The following C8orf34 variants were observed in gnomAD, a reference collection of about 807,000 sequenced individuals.
C8orf34 encodes uncharacterized protein C8orf34.
Under a neutral mutation model 68.3 loss-of-function variants are expected in C8orf34, and 65 were observed. The ratio of observed to expected loss-of-function variants is 0.95; its 90% CI spans 0.78 to 1.17. The LOEUF (loss-of-function observed/expected upper bound fraction) is 1.17, where lower values mean the gene tolerates loss of function less well. C8orf34 is among the 50% of genes most tolerant of loss of function. The pLI, the probability that C8orf34 is intolerant of heterozygous loss-of-function variation, is 0.00. For missense variants in C8orf34, 664 were observed against 655.4 expected (o/e 1.01, Z -0.14); for synonymous variants, 244 against 241.2 (o/e 1.01, Z -0.11).
intron 12 of C8orf34, among the ~76,000 whole-genome samples, chr8:68,805,655 A>T (rs75825758): frequency 0.088 from 13,420 of 152,186 alleles, 917 homozygotes; most frequent in East Asian, 0.36. Context: ...CCAGCTTTTT[A>T]AAAATTGGTT....
intron 7 of C8orf34, among the ~76,000 whole-genome samples, chr8:68,600,717 T>C (rs1269447823): frequency 6.6e-6 from 1 of 152,186 alleles, no homozygotes; most frequent in Non-Finnish European, 1.5e-5. Context: ...AGCCACAATA[T>C]TTGGGGTATT....
rs1336738901 is a variant in C8orf34, at chr8:68,517,088, T to C, written c.766-4711T>C. ...TTTATCTCTGAAATTTTAAATGTTT[T>C]TTTACCCATGTATTTAAAATATTTT... On this transcript the variant is annotated intron_variant, in intron 5 of 13. Transcript: ENST00000518698. Among the ~76,000 whole-genome samples the C allele has an allele frequency of 2.6e-5, 4 of 152,322 alleles. No individual in the cohort carries two copies. In the East Asian group the frequency reaches 7.7e-4, roughly 29 times the overall value.
intron 10 of C8orf34, among the ~76,000 whole-genome samples, chr8:68,769,626 C>A (rs899869298): frequency 2.6e-5 from 4 of 152,128 alleles, no homozygotes; most frequent in African/African-American, 9.7e-5. Context: ...TATCTATTCA[C>A]CAGTTTTAAA....
intron 1 of C8orf34, among the ~76,000 whole-genome samples, chr8:68,419,096 A>T (rs962733565): frequency 1.3e-5 from 2 of 152,040 alleles, no homozygotes; most frequent in African/African-American, 4.8e-5. Flanking sequence ...ACAAAGGGCT[A>T]ATATCCAGAA....
intron 1 of C8orf34, among the ~76,000 whole-genome samples, chr8:68,333,916 T>C (rs767860261): frequency 6.6e-6 from 1 of 152,230 alleles, no homozygotes; most frequent in Non-Finnish European, 1.5e-5. Context: ...TCTGATAATA[T>C]GTCCCCCTTG....
intron 7 of C8orf34, among the ~76,000 whole-genome samples, chr8:68,630,582 G>C (rs182497736): frequency 1.3e-4 from 19 of 151,970 alleles, no homozygotes; most frequent in African/African-American, 4.3e-4. Flanking sequence ...AATAAGAAAT[G>C]CACTTATAGG....
chr8:68,585,120 C>A (rs569639062), intron 7 of C8orf34, among the ~76,000 whole-genome samples: 1 of 152,258 alleles, frequency 6.6e-6, no homozygotes, highest in South Asian at 2.1e-4. Context: ...ATGCTCAGCA[C>A]TGGGCAGTCT....
At chr8:68,466,800 C>T (rs545613032) in intron 3 of C8orf34, among the ~76,000 whole-genome samples, 68 of 143,226 alleles carry the variant, frequency 4.7e-4, no homozygotes, top group African/African-American at 1.8e-3. Context: ...CTTTACCAGA[C>T]ATAAGATTGC....
intron 10 of C8orf34, among the ~76,000 whole-genome samples, chr8:68,774,748 TA>T (rs200038765): frequency 2.1e-4 from 31 of 149,822 alleles, no homozygotes; most frequent in Middle Eastern, 3.5e-3. Flanking sequence ...CAATTTTTTT[TA>T]AAAAAAACTA....
Position 68,667,983 on chromosome 8 carries a change from C to T in C8orf34, c.1241+27472C>T, listed in dbSNP as rs555480349. 8.5e-5 allele frequency among the ~76,000 whole-genome samples: 13 copies of T among 152,170 alleles called. No individual in the cohort carries two copies. The South Asian group carries it at 2.7e-3, about 32-fold the overall frequency. On this transcript the variant is annotated intron_variant, in intron 8 of 13. Transcript: ENST00000518698. ...GAGAAAATAAAATTCTGCCATGAAA[C>T]ATCCAACAATGCAAAGCAGAAAATC...
chr8:68,812,039 A>G (rs1397030189), intron 12 of C8orf34, among the ~76,000 whole-genome samples: 1 of 152,206 alleles, frequency 6.6e-6, no homozygotes, highest in Non-Finnish European at 1.5e-5. Context: ...AAGAGTTTTA[A>G]CATAAAGAAA....
chr8:68,523,761 G>A (rs13271303), intron 6 of C8orf34, among the ~76,000 whole-genome samples: 76,228 of 151,902 alleles, frequency 0.5, 19,166 homozygotes, highest in Non-Finnish European at 0.52. Flanking sequence ...CAAGCAGAAA[G>A]GGTTGGAGAA....
intron 10 of C8orf34, among the ~76,000 whole-genome samples, chr8:68,739,934 C>T (rs1460272875): frequency 1.3e-5 from 2 of 151,948 alleles, no homozygotes; most frequent in African/African-American, 4.8e-5. Context: ...GAATAGAGAG[C>T]CCAGAAATAA....
chr8:68,493,186 T>A (rs1248249439), intron 5 of C8orf34, among the ~76,000 whole-genome samples: 2 of 152,168 alleles, frequency 1.3e-5, no homozygotes, highest in African/African-American at 4.8e-5. Flanking sequence ...AAAATATCAT[T>A]ACACTTCCGT....
intron 5 of C8orf34, among the ~76,000 whole-genome samples, chr8:68,518,147 A>T (rs1334936943): frequency 1.3e-5 from 2 of 152,116 alleles, no homozygotes; most frequent in Non-Finnish European, 2.9e-5. Flanking sequence ...CACCCAATAT[A>T]CCCATGAAAC....
At chr8:68,722,273 C>G (rs999051246) in intron 10 of C8orf34, among the ~76,000 whole-genome samples, 1 of 152,010 alleles carries the variant, frequency 6.6e-6, no homozygotes, top group African/African-American at 2.4e-5. Flanking sequence ...TGATACATCA[C>G]AAATGTCACC....
intron 1 of C8orf34, among the ~76,000 whole-genome samples, chr8:68,403,104 T>G (rs1809030135): frequency 6.6e-6 from 1 of 152,196 alleles, no homozygotes; most frequent in Admixed American, 6.5e-5. Context: ...CAACTTGACC[T>G]AGAACAGACA....
intron 7 of C8orf34, among the ~76,000 whole-genome samples, chr8:68,545,010 G>A (rs956116600): frequency 6.6e-6 from 1 of 152,050 alleles, no homozygotes; most frequent in Non-Finnish European, 1.5e-5. Flanking sequence ...ATTTGGTTAC[G>A]AGCATGAATC....
intron 3 of C8orf34, among the ~76,000 whole-genome samples, chr8:68,463,743 G>A (rs147425579): frequency 6.6e-5 from 10 of 152,022 alleles, no homozygotes; most frequent in Non-Finnish European, 1.0e-4. Context: ...ATTCAACAAC[G>A]CTTCATGCTA....
Sources: gnomAD v4.1 joint callset for allele counts (sites outside exome capture counted in the v4.1 genomes callset) on GRCh38, gnomAD v4.1.1 for gene constraint, MANE v1.5 for transcripts, NCBI Gene and HGNC (gene_info 2026-07-23, HGNC 2026-07-21) for gene names.